The following TENM3 variants were observed in gnomAD, a reference collection of about 807,000 sequenced individuals.
The protein encoded by TENM3 is teneurin-3.
Under a neutral mutation model 255.1 loss-of-function variants are expected in TENM3, and 63 were observed. The observed-to-expected ratio is 0.25, with a 90% confidence interval of 0.20 to 0.30. The LOEUF (loss-of-function observed/expected upper bound fraction) is 0.30. Among genes scored for constraint, TENM3 ranks in the 10% least tolerant of loss-of-function variants. The pLI is 1.00. For synonymous variants in TENM3, 1,306 were observed against 1,322.3 expected, an observed-to-expected ratio of 0.99 and a Z score of 0.27; for missense variants, 2,929 against 3,461.1, an observed-to-expected ratio of 0.85 and a Z score of 3.86.
chr4:181,839,046 A>T, the TENM3 span, among the ~76,000 whole-genome samples: 1 of 151,552 alleles, frequency 6.6e-6, no homozygotes, highest in Non-Finnish European at 1.5e-5. Flanking sequence ...AGTTTGGGTA[A>T]ATCGGTAATG....
chr4:182,542,671 A>C (rs1227552753), intron 3 of TENM3, among the ~76,000 whole-genome samples: 1 of 151,906 alleles, frequency 6.6e-6, no homozygotes, highest in Admixed American at 6.6e-5. Flanking sequence ...CGTTCCGTGT[A>C]CTCTTTCATG....
intron 3 of TENM3, among the ~76,000 whole-genome samples, chr4:182,455,150 G>T (rs1773765657): frequency 6.6e-6 from 1 of 152,120 alleles, no homozygotes; most frequent in Non-Finnish European, 1.5e-5. Flanking sequence ...GTTCGTTCAG[G>T]AGAGAGTCAC....
chr4:181,963,368 T>C, the TENM3 span, among the ~76,000 whole-genome samples: 2 of 152,222 alleles, frequency 1.3e-5, no homozygotes, highest in Non-Finnish European at 2.9e-5. Context: ...TCTTTCACTC[T>C]CTTTTTGTCT....
At chr4:181,585,099 G>A in the TENM3 span, among the ~76,000 whole-genome samples, 2 of 150,494 alleles carry the variant, frequency 1.3e-5, no homozygotes, top group African/African-American at 4.9e-5. Flanking sequence ...AACTGCCTTT[G>A]TGACTTTTCC....
chr4:182,435,927 T>A (rs1217252484), intron 3 of TENM3, among the ~76,000 whole-genome samples: 1 of 152,166 alleles, frequency 6.6e-6, no homozygotes, highest in East Asian at 1.9e-4. Flanking sequence ...TTGGAAAGTC[T>A]TGTTGATCCT....
At chr4:181,781,619 G>A in the TENM3 span, among the ~76,000 whole-genome samples, 1 of 152,036 alleles carries the variant, frequency 6.6e-6, no homozygotes, top group Non-Finnish European at 1.5e-5. Flanking sequence ...TTTCTTTCTC[G>A]TGTCTGATTG....
chr4:181,469,629 G>C, the TENM3 span, among the ~76,000 whole-genome samples: 1 of 152,054 alleles, frequency 6.6e-6, no homozygotes, highest in Non-Finnish European at 1.5e-5. Flanking sequence ...AAGACATTTT[G>C]AAATGTCTGT....
At chr4:182,764,025 C>A (rs1194239518) in intron 22 of TENM3, among the ~76,000 whole-genome samples, 1 of 152,200 alleles carries the variant, frequency 6.6e-6, no homozygotes, top group African/African-American at 2.4e-5. Flanking sequence ...TAACCACAAG[C>A]ATAGGTAATC....
the TENM3 span, among the ~76,000 whole-genome samples, chr4:181,593,764 A>G: frequency 6.6e-6 from 1 of 152,240 alleles, no homozygotes; most frequent in African/African-American, 2.4e-5. Context: ...CCATCAGATC[A>G]TGTGAAAGCT....
chr4:181,714,694 G>T, the TENM3 span, among the ~76,000 whole-genome samples: 13 of 152,200 alleles, frequency 8.5e-5, no homozygotes, highest in East Asian at 2.5e-3. Context: ...ATGTGGATGT[G>T]ATTGATGCTG....
the TENM3 span, among the ~76,000 whole-genome samples, chr4:181,656,085 C>T: frequency 2.6e-5 from 4 of 152,076 alleles, no homozygotes; most frequent in African/African-American, 9.7e-5. Context: ...CAGAAAGATG[C>T]AAGAAGGAGA....
intron 1 of TENM3, among the ~76,000 whole-genome samples, chr4:182,282,004 G>T (rs1028354161): frequency 1.3e-5 from 2 of 152,170 alleles, no homozygotes; most frequent in African/African-American, 4.8e-5. Flanking sequence ...CCAATGTGCT[G>T]AGATTACAGG....
intron 3 of TENM3, among the ~76,000 whole-genome samples, chr4:182,357,871 A>C (rs929037171): frequency 6.6e-6 from 1 of 151,856 alleles, no homozygotes; most frequent in Non-Finnish European, 1.5e-5. Flanking sequence ...TAAGTCTTTA[A>C]TCCATCTTGA....
chr4:182,241,480 T>C (rs2150066222), upstream of TENM3, among the ~76,000 whole-genome samples: 1 of 151,452 alleles, frequency 6.6e-6, no homozygotes, highest in African/African-American at 2.4e-5. Flanking sequence ...CACATTCTCC[T>C]ATCTTCAGTC....
chr4:182,186,129 A>G (rs1190504843), intron 1 of TENM3, among the ~76,000 whole-genome samples: 1 of 152,218 alleles, frequency 6.6e-6, no homozygotes, highest in Admixed American at 6.5e-5. Context: ...TTTTGACCTC[A>G]AGTATTACAA....
At chr4:182,054,935 A>G in the TENM3 span, among the ~76,000 whole-genome samples, 3 of 152,190 alleles carry the variant, frequency 2.0e-5, no homozygotes, top group Non-Finnish European at 4.4e-5. Flanking sequence ...AGCATTCCAG[A>G]ACCAGAGCTC....
intron 12 of TENM3, among the ~76,000 whole-genome samples, chr4:182,708,483 A>T (rs571078583): frequency 3.3e-5 from 5 of 152,328 alleles, no homozygotes; most frequent in African/African-American, 1.2e-4. Context: ...AGAGAACCCA[A>T]AACTTTCACC....
At chr4:182,548,553 T>C (rs982566256) in intron 3 of TENM3, 1 of 152,190 alleles carries the variant, frequency 6.6e-6, no homozygotes, top group Admixed American at 6.5e-5. Flanking sequence ...TGGCATTCAT[T>C]GGTTAGTCAC....
At chr4:181,807,664 C>T in the TENM3 span, among the ~76,000 whole-genome samples, 1 of 152,160 alleles carries the variant, frequency 6.6e-6, no homozygotes, top group Non-Finnish European at 1.5e-5. Flanking sequence ...ATCCTAGGAA[C>T]ATTTCTATCA....
Sources: gnomAD v4.1 joint callset for allele counts (sites outside exome capture counted in the v4.1 genomes callset) on GRCh38, gnomAD v4.1.1 for gene constraint, MANE v1.5 for transcripts, NCBI Gene and HGNC (gene_info 2026-07-23, HGNC 2026-07-21) for gene names.